The following DPP10 variants were observed in gnomAD, a reference collection of about 807,000 sequenced individuals.
DPP10 encodes inactive dipeptidyl peptidase 10.
DPP10 carries 33 observed loss-of-function variants against 120.9 expected under a neutral mutation model. The ratio of observed to expected loss-of-function variants is 0.27; its 90% CI spans 0.21 to 0.37. DPP10 has a LOEUF of 0.37. DPP10 is among the 10% of genes least tolerant of loss of function. DPP10 has a pLI of 1.00. For synonymous variants in DPP10, 337 were observed against 326.1 expected (o/e 1.03, Z -0.36); for missense variants, 816 against 942.8 (o/e 0.87, Z 1.76).
chr2:114,623,274 A>T (rs562363677), intron 1 of DPP10, among the ~76,000 whole-genome samples: 1 of 152,246 alleles, frequency 6.6e-6, no homozygotes, highest in Admixed American at 6.6e-5. Flanking sequence ...ATAATTGTAG[A>T]GACTCTATCA....
chr2:114,599,179 G>A (rs1274488369), intron 1 of DPP10, among the ~76,000 whole-genome samples: 2 of 151,724 alleles, frequency 1.3e-5, no homozygotes, highest in African/African-American at 4.8e-5. Context: ...CAAGAAAAAC[G>A]AGGAAGTCAA....
chr2:115,479,184 C>G (rs1427614581), intron 3 of DPP10, among the ~76,000 whole-genome samples: 2 of 152,014 alleles, frequency 1.3e-5, no homozygotes, highest in East Asian at 3.9e-4. Flanking sequence ...GTTGGATAAA[C>G]AAAATGTGGG....
intron 5 of DPP10, among the ~76,000 whole-genome samples, chr2:115,601,463 A>C (rs1365359180): frequency 6.6e-6 from 1 of 152,190 alleles, no homozygotes; most frequent in East Asian, 1.9e-4. Context: ...AGTCTGGGAT[A>C]TATTACCTGA....
At chr2:115,423,795 G>A (rs2070204753) in intron 3 of DPP10, among the ~76,000 whole-genome samples, 1 of 152,140 alleles carries the variant, frequency 6.6e-6, no homozygotes, top group Non-Finnish European at 1.5e-5. Flanking sequence ...TTTGGTTTGA[G>A]TATGACTGTC....
chr2:115,152,321 T>C (rs1166123711), intron 1 of DPP10, among the ~76,000 whole-genome samples: 1 of 152,236 alleles, frequency 6.6e-6, no homozygotes, highest in African/African-American at 2.4e-5. Context: ...GAAAGTAGAC[T>C]GGATTTGGCC....
At chr2:114,775,051 T>C (rs1681602954) in intron 1 of DPP10, among the ~76,000 whole-genome samples, 1 of 152,098 alleles carries the variant, frequency 6.6e-6, no homozygotes, top group Non-Finnish European at 1.5e-5. Context: ...AGATGGAATT[T>C]GACCTCAGCC....
chr2:115,674,352 A>C (rs2090117858), intron 5 of DPP10, among the ~76,000 whole-genome samples: 1 of 152,126 alleles, frequency 6.6e-6, no homozygotes, highest in South Asian at 2.1e-4. Flanking sequence ...GTGGGCACAG[A>C]AATAAAGAAA....
At chr2:115,800,739 T>G (rs1363428979) in intron 19 of DPP10, among the ~76,000 whole-genome samples, 1 of 152,192 alleles carries the variant, frequency 6.6e-6, no homozygotes, top group Non-Finnish European at 1.5e-5. Flanking sequence ...AAAGATCAGA[T>G]AGTTGTAGAT....
intron 22 of DPP10, 68 bp from the exon 23 acceptor site, chr2:115,836,439 A>G (rs1305124324): frequency 7.1e-6 from 11 of 1,555,182 alleles, no homozygotes; most frequent in Non-Finnish European, 9.6e-6. Flanking sequence ...AAAATGAAGA[A>G]ATTAATGAAA....
chr2:114,958,908 C>A (rs756644624), intron 1 of DPP10, among the ~76,000 whole-genome samples: 7 of 152,100 alleles, frequency 4.6e-5, no homozygotes, highest in Non-Finnish European at 1.0e-4. Flanking sequence ...AAGGGGGTAA[C>A]TCATTGATGT....
At chr2:115,337,823 A>G (rs2063235219) in intron 2 of DPP10, among the ~76,000 whole-genome samples, 1 of 151,974 alleles carries the variant, frequency 6.6e-6, no homozygotes, top group Non-Finnish European at 1.5e-5. Context: ...GGAAAATTTA[A>G]GGAAAGGAAC....
rs71729276 is a variant in DPP10 at position 115,033,704 on chromosome 2, T to TTA, written c.61-275534_61-275533insAT. On this transcript the variant is annotated intron_variant, in intron 1 of 25. Coordinates refer to ENST00000410059, the MANE Select transcript of DPP10 (RefSeq NM_020868.6). ...ACCGCAATATCTTCCCTCCTTTTTT[T>TTA]TTTTTTTATTTTTAGAGATACGGTG... Among the ~76,000 whole-genome samples the TTA allele has an allele frequency of 8.6e-3, 1,300 of 150,802 alleles. 12 individuals are homozygous for TTA. The highest frequency in any genetic ancestry group is 0.024 in the Middle Eastern group (7 of 292).
intron 1 of DPP10, among the ~76,000 whole-genome samples, chr2:114,451,503 C>A (rs1678272477): frequency 6.6e-6 from 1 of 151,830 alleles, no homozygotes; most frequent in African/African-American, 2.4e-5. Flanking sequence ...CAGAACTCTA[C>A]ATAGGAGTTA....
intron 1 of DPP10, among the ~76,000 whole-genome samples, chr2:115,133,728 T>C (rs769493256): frequency 6.6e-6 from 1 of 152,168 alleles, no homozygotes; most frequent in Non-Finnish European, 1.5e-5. Context: ...TATAACAATC[T>C]ACAGTCTTTA....
intron 4 of DPP10, among the ~76,000 whole-genome samples, chr2:115,518,538 C>T (rs1421512581): frequency 6.6e-6 from 1 of 151,852 alleles, no homozygotes; most frequent in African/African-American, 2.4e-5. Context: ...TATAGTTTCC[C>T]TTCTTTTTGT....
intron 2 of DPP10, among the ~76,000 whole-genome samples, chr2:115,312,033 A>G (rs1160520294): frequency 6.6e-6 from 1 of 151,988 alleles, no homozygotes; most frequent in African/African-American, 2.4e-5. Flanking sequence ...TGGGATTACA[A>G]TCATAAGCCA....
rs772389151 is a variant in DPP10, at chr2:115,814,832, C to T, written c.1740C>T (p.Phe580=). The part of the protein sequence containing the change: ...EPGGQLVTDK[F]HIDWDSVLID... ...GAGGCCAGCTGGTTACAGATAAGTT[C>T]CATATTGACTGGGATTCCGTACTCA... Residue 580 remains phenylalanine, a synonymous_variant, in exon 20 of 26, where the codon TTC becomes TTT. Transcript: ENST00000410059. 2.8e-5 allele frequency: 45 copies of T among 1,592,030 alleles called. No homozygotes were observed. The highest frequency in any genetic ancestry group is 3.8e-5 in the Non-Finnish European group (44 of 1,164,218).
chr2:114,969,776 T>C (rs983465789), intron 1 of DPP10, among the ~76,000 whole-genome samples: 1 of 152,124 alleles, frequency 6.6e-6, no homozygotes, highest in African/African-American at 2.4e-5. Flanking sequence ...TTTCCTGTCA[T>C]TGGGCTGAAT....
At chr2:115,496,592 G>A (rs950818229) in intron 3 of DPP10, among the ~76,000 whole-genome samples, 9 of 152,052 alleles carry the variant, frequency 5.9e-5, no homozygotes, top group African/African-American at 1.4e-4. Flanking sequence ...ATGGGGTCAC[G>A]CATTTCTTTT....
Sources: allele counts gnomAD v4.1 joint callset (sites outside exome capture counted in the v4.1 genomes callset), GRCh38; gene constraint gnomAD v4.1.1; transcripts MANE v1.5; gene names NCBI Gene and HGNC (gene_info 2026-07-23, HGNC 2026-07-21).